The following MECOM variants were observed in gnomAD, a reference collection of about 807,000 sequenced individuals.
MECOM encodes histone-lysine N-methyltransferase MECOM.
Under a neutral mutation model 116.3 loss-of-function variants are expected in MECOM, and 13 were observed. The observed-to-expected ratio is 0.11, with a 90% CI of 0.07 to 0.18. The LOEUF (loss-of-function observed/expected upper bound fraction) is 0.18. Ranked by LOEUF, MECOM falls within the 10% of genes least tolerant of loss-of-function variation. MECOM has a pLI of 1.00. For synonymous variants in MECOM, 528 were observed against 535.2 expected (o/e 0.99, Z 0.19); for missense variants, 1,299 against 1,509.0 (o/e 0.86, Z 2.31).
At chr3:169,482,510 A>T (rs1165757552) in intron 1 of MECOM, among the ~76,000 whole-genome samples, 1 of 151,684 alleles carries the variant, frequency 6.6e-6, no homozygotes, top group African/African-American at 2.4e-5. Context: ...AATTTTTTGT[A>T]TATTTAGTAG....
intron 1 of MECOM, among the ~76,000 whole-genome samples, chr3:169,474,503 T>C (rs959148616): frequency 6.6e-6 from 1 of 152,198 alleles, no homozygotes; most frequent in Admixed American, 6.5e-5. Context: ...AACAGCTTAA[T>C]TTTTATCAAT....
At chr3:169,399,073 G>T (rs958578209) in intron 1 of MECOM, among the ~76,000 whole-genome samples, 1 of 151,946 alleles carries the variant, frequency 6.6e-6, no homozygotes, top group Non-Finnish European at 1.5e-5. Context: ...TTTGTCAATT[G>T]CCTGTTGCTA....
At chr3:169,273,815 T>G (rs1369579551) in intron 2 of MECOM, among the ~76,000 whole-genome samples, 1 of 152,104 alleles carries the variant, frequency 6.6e-6, no homozygotes, top group Non-Finnish European at 1.5e-5. Context: ...AGAGGATGGT[T>G]TTGTCCCTGT....
At chr3:169,652,259 C>A (rs1775014429) in intron 1 of MECOM, among the ~76,000 whole-genome samples, 2 of 151,874 alleles carry the variant, frequency 1.3e-5, no homozygotes, top group South Asian at 2.1e-4. Context: ...TGAACTATGA[C>A]CCTAGCCAAA....
At chr3:169,378,438 A>AG (rs1731521044) in intron 2 of MECOM, among the ~76,000 whole-genome samples, 1 of 83,694 alleles carries the variant, frequency 1.2e-5, no homozygotes, top group African/African-American at 7.9e-5. Flanking sequence ...AGAAAGAAAG[A>AG]AAGAAAGAAA....
intron 1 of MECOM, among the ~76,000 whole-genome samples, chr3:169,483,247 C>A (rs1463136710): frequency 1.6e-5 from 2 of 128,602 alleles, no homozygotes; most frequent in African/African-American, 5.6e-5. Context: ...TATTGACAGT[C>A]ATTTTCCCAC....
intron 2 of MECOM, among the ~76,000 whole-genome samples, chr3:169,281,060 A>G (rs934648350): frequency 2.6e-5 from 4 of 152,236 alleles, no homozygotes; most frequent in Non-Finnish European, 5.9e-5. Context: ...CTGCATGGTT[A>G]TCTTTAATCA....
At chr3:169,609,283 C>T (rs1768961159) in intron 1 of MECOM, among the ~76,000 whole-genome samples, 2 of 151,574 alleles carry the variant, frequency 1.3e-5, no homozygotes, top group African/African-American at 4.9e-5. Flanking sequence ...CTTGAGGGGC[C>T]TTTTTTTTGC....
intron 1 of MECOM, among the ~76,000 whole-genome samples, chr3:169,520,658 A>G (rs1233205959): frequency 3.3e-5 from 5 of 152,150 alleles, no homozygotes; most frequent in African/African-American, 1.2e-4. Flanking sequence ...CTCATTTCTC[A>G]TTTTGGTTCT....
intron 14 of MECOM, among the ~76,000 whole-genome samples, chr3:169,092,194 TG>T (rs1477709505): frequency 1.3e-5 from 2 of 152,010 alleles, no homozygotes; most frequent in African/African-American, 4.8e-5. Context: ...TGCTTAATGT[TG>T]GTGATGATAA....
chr3:169,344,544 A>C (rs1029541029), intron 2 of MECOM, among the ~76,000 whole-genome samples: 3 of 152,158 alleles, frequency 2.0e-5, no homozygotes, highest in South Asian at 2.1e-4. Flanking sequence ...TTTGCCACCA[A>C]CTAGCAAATG....
chr3:169,191,733 AAAGAAAGAGAAAGAAAGAAAGAAAGAAAG>A (rs1747646429), intron 2 of MECOM, among the ~76,000 whole-genome samples: 3 of 33,778 alleles, frequency 8.9e-5, no homozygotes, highest in African/African-American at 2.0e-4. Context: ...AGAAAGAAAG[AAAGAAAGAGAAAGAAAGAAAGAAAGAAAG>A]AAAGAAAGAA....
At chr3:169,309,476 T>A (rs1718332646) in intron 2 of MECOM, among the ~76,000 whole-genome samples, 1 of 152,180 alleles carries the variant, frequency 6.6e-6, no homozygotes, top group Admixed American at 6.5e-5. Context: ...TAACTTCATC[T>A]GGAAATCAAT....
At chr3:169,229,259 G>T (rs1753097303) in intron 2 of MECOM, among the ~76,000 whole-genome samples, 1 of 152,184 alleles carries the variant, frequency 6.6e-6, no homozygotes, top group African/African-American at 2.4e-5. Flanking sequence ...GCTAGAAAGT[G>T]CCATCCACGC....
At chr3:169,136,567 C>T (rs1020311087) in intron 3 of MECOM, among the ~76,000 whole-genome samples, 2 of 151,882 alleles carry the variant, frequency 1.3e-5, no homozygotes, top group Non-Finnish European at 2.9e-5. Context: ...GTTAATATGC[C>T]ATAAAAGACT....
chr3:169,167,141 A>AT (rs1743720275), intron 2 of MECOM, among the ~76,000 whole-genome samples: 1 of 152,136 alleles, frequency 6.6e-6, no homozygotes, highest in Admixed American at 6.6e-5. Context: ...TGTCTGGCTA[A>AT]TTTTTAAAAA....
intron 2 of MECOM, among the ~76,000 whole-genome samples, chr3:169,355,734 T>G (rs1727162109): frequency 6.6e-6 from 1 of 151,900 alleles, no homozygotes; most frequent in Non-Finnish European, 1.5e-5. Flanking sequence ...TGAGTTAAAT[T>G]GAATTTGAAA....
intron 1 of MECOM, among the ~76,000 whole-genome samples, chr3:169,416,737 G>A (rs143431525): frequency 3.9e-5 from 6 of 152,204 alleles, no homozygotes; most frequent in Middle Eastern, 3.4e-3. Context: ...ACTACAATCA[G>A]AGAACACTGT....
intron 1 of MECOM, among the ~76,000 whole-genome samples, chr3:169,638,847 C>T (rs10155002): frequency 0.53 from 80,984 of 152,066 alleles, 23,381 homozygotes; most frequent in African/African-American, 0.76. Flanking sequence ...CAGATGCCCA[C>T]TCAAGGCATC....
Sources: allele counts gnomAD v4.1 joint callset (sites outside exome capture counted in the v4.1 genomes callset), GRCh38; gene constraint gnomAD v4.1.1; transcripts MANE v1.5; gene names NCBI Gene and HGNC (gene_info 2026-07-23, HGNC 2026-07-21).